The following NELL1 variants were observed in gnomAD, a reference collection of about 807,000 sequenced individuals.
NELL1 encodes neural EGFL like 1.
A neutral mutation model predicts 107.4 loss-of-function variants in NELL1; 76 were observed. That is an observed-to-expected ratio of 0.71 (90% CI 0.59 to 0.86). NELL1 has a LOEUF of 0.86. Among genes scored for constraint, NELL1 ranks in the 40% least tolerant of loss-of-function variants. NELL1 has a pLI of 0.00. For synonymous variants in NELL1, 353 were observed against 341.2 expected (o/e 1.03, Z -0.38); for missense variants, 1,024 against 1,005.5 (o/e 1.02, Z -0.25).
chr11:20,891,739 AC>A (rs1252893880), intron 5 of NELL1, among the ~76,000 whole-genome samples: 1 of 152,222 alleles, frequency 6.6e-6, no homozygotes, highest in South Asian at 2.1e-4. Context: ...CAGACTTTAA[AC>A]CGACAAAGAT....
chr11:20,731,485 G>T (rs1178095495), intron 2 of NELL1, among the ~76,000 whole-genome samples: 1 of 152,330 alleles, frequency 6.6e-6, no homozygotes, highest in South Asian at 2.1e-4. Flanking sequence ...ATTAAAGGTG[G>T]AATTGTGTGT....
At chr11:21,537,342 G>A (rs531337137) in intron 16 of NELL1, among the ~76,000 whole-genome samples, 13 of 152,088 alleles carry the variant, frequency 8.5e-5, no homozygotes, top group Middle Eastern at 3.4e-3. Flanking sequence ...CCTGCTTCTT[G>A]GACTCATTTC....
At chr11:20,906,609 G>T (rs1850003957) in intron 5 of NELL1, among the ~76,000 whole-genome samples, 1 of 151,982 alleles carries the variant, frequency 6.6e-6, no homozygotes. Context: ...AAATACAAAT[G>T]AACTGAATCC....
At chr11:21,011,790 C>T (rs978685522) in intron 12 of NELL1, among the ~76,000 whole-genome samples, 6 of 152,146 alleles carry the variant, frequency 3.9e-5, no homozygotes, top group Non-Finnish European at 1.5e-5. Context: ...TTCCACAGGC[C>T]TGTGAGCTCC....
At chr11:21,096,644 T>A (rs1854649663) in intron 12 of NELL1, among the ~76,000 whole-genome samples, 1 of 152,320 alleles carries the variant, frequency 6.6e-6, no homozygotes, top group East Asian at 1.9e-4. Context: ...ACCATCATTC[T>A]AGGCAGAAGT....
intron 14 of NELL1, among the ~76,000 whole-genome samples, chr11:21,332,483 T>G (rs1850294007): frequency 6.6e-6 from 1 of 152,008 alleles, no homozygotes; most frequent in African/African-American, 2.4e-5. Flanking sequence ...ATCCCTTCTA[T>G]GTGTCATTAT....
At chr11:21,245,814 C>G (rs1202664624) in intron 14 of NELL1, among the ~76,000 whole-genome samples, 1 of 152,072 alleles carries the variant, frequency 6.6e-6, no homozygotes, top group African/African-American at 2.4e-5. Flanking sequence ...TACAAAATAC[C>G]TTTCTCTTAG....
At chr11:20,788,065 G>A (rs1211294244) in intron 3 of NELL1, among the ~76,000 whole-genome samples, 4 of 152,148 alleles carry the variant, frequency 2.6e-5, no homozygotes, top group African/African-American at 9.7e-5. Context: ...GCAGAATAAT[G>A]TTACATTGTT....
At chr11:21,478,496 G>A (rs1564914219) in intron 15 of NELL1, among the ~76,000 whole-genome samples, 2 of 152,068 alleles carry the variant, frequency 1.3e-5, no homozygotes, top group East Asian at 3.9e-4. Context: ...TTCTCCCTGG[G>A]AGCCTGTAAA....
intron 13 of NELL1, among the ~76,000 whole-genome samples, chr11:21,216,843 G>T (rs1857624645): frequency 6.6e-6 from 1 of 152,148 alleles, no homozygotes; most frequent in Admixed American, 6.6e-5. Context: ...TTGGGTTAGT[G>T]CTAGAATGAG....
At chr11:21,147,230 A>C (rs1791811) in intron 13 of NELL1, among the ~76,000 whole-genome samples, 102,583 of 151,976 alleles carry the variant, frequency 0.67, 34,939 homozygotes, top group Middle Eastern at 0.73. Flanking sequence ...TGGGGAAATG[A>C]GGAGCTGAAC....
At chr11:21,429,191 T>C (rs1852908609) in intron 15 of NELL1, among the ~76,000 whole-genome samples, 1 of 152,242 alleles carries the variant, frequency 6.6e-6, no homozygotes, top group South Asian at 2.1e-4. Context: ...GTTTGATTGC[T>C]TTGTTCACTG....
chr11:21,152,308 T>C (rs976997428), intron 13 of NELL1, among the ~76,000 whole-genome samples: 2 of 152,210 alleles, frequency 1.3e-5, no homozygotes, highest in Non-Finnish European at 2.9e-5. Context: ...CCTTCATGTC[T>C]GCCAACCTTT....
intron 14 of NELL1, among the ~76,000 whole-genome samples, chr11:21,265,122 C>T (rs1248785811): frequency 3.3e-5 from 5 of 151,894 alleles, no homozygotes; most frequent in Non-Finnish European, 7.4e-5. Context: ...CTTCACCTGT[C>T]ATCTTTTCAA....
At chr11:20,911,303 G>C (rs375704125) in intron 5 of NELL1, among the ~76,000 whole-genome samples, 3 of 152,178 alleles carry the variant, frequency 2.0e-5, no homozygotes, top group East Asian at 3.9e-4. Context: ...CTTTGGCCCT[G>C]CATATAGTAT....
intron 15 of NELL1, among the ~76,000 whole-genome samples, chr11:21,438,986 A>G (rs1853207758): frequency 6.6e-6 from 1 of 151,990 alleles, no homozygotes; most frequent in Non-Finnish European, 1.5e-5. Context: ...GAGGCAAGCC[A>G]CAATGGGTGA....
At chr11:21,119,799 T>G (rs938253407) in intron 13 of NELL1, among the ~76,000 whole-genome samples, 2 of 152,118 alleles carry the variant, frequency 1.3e-5, no homozygotes, top group African/African-American at 4.8e-5. Flanking sequence ...GTTTTTGGAA[T>G]AGTCAACCAG....
intron 12 of NELL1, among the ~76,000 whole-genome samples, chr11:20,976,178 A>G (rs1278035521): frequency 2.0e-5 from 3 of 148,190 alleles, no homozygotes; most frequent in Non-Finnish European, 4.5e-5. Context: ...ATCTGTACAT[A>G]TATATGTTTA....
At chr11:21,178,449 G>A (rs1450942061) in intron 13 of NELL1, among the ~76,000 whole-genome samples, 2 of 151,808 alleles carry the variant, frequency 1.3e-5, no homozygotes, top group Non-Finnish European at 2.9e-5. Flanking sequence ...CAGTCATAAT[G>A]AGAAATTTAT....
Sources: gnomAD v4.1 joint callset for allele counts (sites outside exome capture counted in the v4.1 genomes callset) on GRCh38, gnomAD v4.1.1 for gene constraint, MANE v1.5 for transcripts, NCBI Gene and HGNC (gene_info 2026-07-23, HGNC 2026-07-21) for gene names.